Variants in AOAH observed in about 807,000 individuals in gnomAD.
The protein encoded by AOAH is acyloxyacyl hydrolase (neutrophil).
AOAH carries 64 observed loss-of-function variants against 92.2 expected under a neutral mutation model. The observed-to-expected ratio is 0.69, with a 90% CI of 0.57 to 0.86. The LOEUF (loss-of-function observed/expected upper bound fraction) is 0.86, where lower values mean the gene tolerates loss of function less well. Among genes scored for constraint, AOAH ranks in the 40% least tolerant of loss-of-function variants. The pLI is 0.00. For missense variants in AOAH, 656 were observed against 694.6 expected, an observed-to-expected ratio of 0.94 and a Z score of 0.62; for synonymous variants, 263 against 254.5, an observed-to-expected ratio of 1.03 and a Z score of -0.32.
intron 13 of AOAH, among the ~76,000 whole-genome samples, chr7:36,564,748 C>A (rs1562573690): frequency 6.6e-6 from 1 of 152,234 alleles, no homozygotes; most frequent in South Asian, 2.1e-4. Flanking sequence ...CTGTTTCAAG[C>A]AGTGCAGGAT....
At position 36,684,906 on chromosome 7, in the gene AOAH, C is replaced by CAAA. The variant is rs57827044; in HGVS notation, c.223+1790_223+1792dup. Among the ~76,000 whole-genome samples the CAAA allele has an allele frequency of 2.5e-3, 147 of 59,998 alleles. 1 individual carries two copies. The highest frequency in any genetic ancestry group is 0.024 in the Middle Eastern group (1 of 42). The allele number at this position is 59,998 out of a possible 152,430, so 39.4% of individuals were successfully genotyped here. A position where few individuals can be genotyped will look rare whatever the true frequency, so the allele number is the denominator to read the frequency against. On this transcript the variant is annotated intron_variant, in intron 2 of 20. Coordinates refer to ENST00000617537, the MANE Select transcript of AOAH (RefSeq NM_001637.4). ...TGGGCGACAGACTGAGACCTTGTCTCAAAAAAAAAAAAAAAAAAAAAAAAA... is the reference window on the plus strand; with the variant it reads ...TGGGCGACAGACTGAGACCTTGTCTCAAAAAAAAAAAAAAAAAAAAAAAAAAAA...
intron 10 of AOAH, among the ~76,000 whole-genome samples, chr7:36,617,138 T>A (rs1791958277): frequency 6.6e-6 from 1 of 151,566 alleles, no homozygotes; most frequent in African/African-American, 2.4e-5. Context: ...GGCACCTCCT[T>A]TTTCCACTTC....
chr7:36,524,068 A>G (rs568947324), intron 19 of AOAH, among the ~76,000 whole-genome samples: 6 of 152,182 alleles, frequency 3.9e-5, no homozygotes, highest in Admixed American at 1.3e-4. Flanking sequence ...AGATGACATC[A>G]TCTCCATTCT....
rs770180970 is a variant in AOAH, at chr7:36,637,878, T to TC, written c.422dup (p.Gln142ThrfsTer13). The TC allele has an allele frequency of 6.2e-7, 1 of 1,614,124 alleles. No individual in the cohort carries two copies. The highest frequency in any genetic ancestry group is 1.7e-5 in the Admixed American group (1 of 60,034). On this transcript the variant is annotated frameshift_variant, in exon 5 of 21. Transcript: ENST00000617537. LOFTEE classifies it high-confidence loss of function. ...GAATCGGGGACTTCTTGACAATTTG[T>TC]CTTGCCTTCTGTAGTGTAAATTTCC... is the stretch of plus-strand genomic sequence containing the variant.
intron 8 of AOAH, 70 bp from the exon 9 acceptor site, chr7:36,620,899 GAAT>G (rs1792232095): frequency 1.2e-6 from 1 of 804,880 alleles, no homozygotes; most frequent in Non-Finnish European, 1.7e-6. Context: ...TTTCATGCAT[GAAT>G]GAATGAATGA....
At chr7:36,518,924 G>A (rs933944548) in intron 20 of AOAH, among the ~76,000 whole-genome samples, 12 of 152,174 alleles carry the variant, frequency 7.9e-5, no homozygotes, top group African/African-American at 2.7e-4. Context: ...CTGACTCCAG[G>A]ATGCACTTGA....
chr7:36,675,586 C>G (rs1796201781), intron 2 of AOAH, among the ~76,000 whole-genome samples: 2 of 152,172 alleles, frequency 1.3e-5, no homozygotes, highest in Admixed American at 1.3e-4. Flanking sequence ...TAAAGAATTA[C>G]TAACAATTTA....
intron 11 of AOAH, among the ~76,000 whole-genome samples, chr7:36,600,498 T>G (rs890903873): frequency 1.3e-5 from 2 of 152,156 alleles, no homozygotes; most frequent in Non-Finnish European, 2.9e-5. Context: ...TGAACTCAGA[T>G]ATGTCTGGCC....
At position 36,686,161 on chromosome 7, in the gene AOAH, T is replaced by G. The variant is rs188852239; in HGVS notation, c.223+538A>C. ...ATATGCAACTTGCTTGAACCACCAA[T>G]CAGTTTCTACCTTTGGTGGATGTAT... On this transcript the variant is annotated intron_variant, in intron 2 of 20. Coordinates refer to ENST00000617537, the MANE Select transcript of AOAH (RefSeq NM_001637.4). 3.9e-5 allele frequency among the ~76,000 whole-genome samples: 6 copies of G among 152,320 alleles called. No individual in the cohort carries two copies. The East Asian group carries it at 1.2e-3, about 29-fold the overall frequency.
chr7:36,676,981 A>G (rs551628395), intron 2 of AOAH, among the ~76,000 whole-genome samples: 17 of 152,336 alleles, frequency 1.1e-4, no homozygotes, highest in African/African-American at 3.4e-4. Flanking sequence ...AAATTCATAC[A>G]AGGAAACACT....
intron 1 of AOAH, among the ~76,000 whole-genome samples, chr7:36,701,060 G>A (rs1798002089): frequency 6.6e-6 from 1 of 151,874 alleles, no homozygotes; most frequent in Non-Finnish European, 1.5e-5. Flanking sequence ...AATTGTCAGA[G>A]TCTTTTTAAA....
chr7:36,554,734 C>T (rs938759671), intron 13 of AOAH, among the ~76,000 whole-genome samples: 1 of 150,396 alleles, frequency 6.6e-6, no homozygotes, highest in Non-Finnish European at 1.5e-5. Context: ...GTATTTTATT[C>T]TCTTTGAAGC....
At chr7:36,569,574 T>TCTAG (rs879867847) in intron 13 of AOAH, among the ~76,000 whole-genome samples, 42 of 113,600 alleles carry the variant, frequency 3.7e-4, no homozygotes, top group Non-Finnish European at 8.0e-4. Flanking sequence ...TACATATCTA[T>TCTAG]CTATCTATCT....
intron 13 of AOAH, among the ~76,000 whole-genome samples, chr7:36,558,082 A>G (rs867819451): frequency 1.3e-5 from 2 of 151,896 alleles, no homozygotes; most frequent in African/African-American, 4.8e-5. Flanking sequence ...AGTTTCCAGT[A>G]TTTCTGCTCT....
intron 1 of AOAH, among the ~76,000 whole-genome samples, chr7:36,716,970 TAATA>T (rs200867596): frequency 0.41 from 58,374 of 142,442 alleles, 12,156 homozygotes; most frequent in Middle Eastern, 0.53. Flanking sequence ...ACTTAAAGTA[TAATA>T]AATAAATAAA....
At chr7:36,721,344 G>C (rs7349955) in intron 1 of AOAH, among the ~76,000 whole-genome samples, 53,068 of 151,918 alleles carry the variant, frequency 0.35, 10,129 homozygotes, top group East Asian at 0.52. Context: ...GCACAGCCCG[G>C]CTTCTCTCTG....
At position 36,614,401 on chromosome 7, in the gene AOAH, C is replaced by G. The variant is rs1791704621; in HGVS notation, c.846+1979G>C. Among the ~76,000 whole-genome samples the G allele has an allele frequency of 6.6e-6, 1 of 152,176 alleles. No homozygotes were observed. The highest frequency in any genetic ancestry group is 2.1e-4 in the South Asian group (1 of 4,822). ...AAAGGGCCCTGCACTGGGTTTAATG[C>G]TCTGCTGCCCCACCTTGAACTTCTT... On this transcript the variant is annotated intron_variant, in intron 11 of 20. Transcript: ENST00000617537. This position sits in a 1 kb window ranked among gnomAD's most constrained non-coding sequence, Gnocchi z 4.2.
chr7:36,540,787 C>A (rs908742538), intron 15 of AOAH, among the ~76,000 whole-genome samples: 1 of 152,210 alleles, frequency 6.6e-6, no homozygotes, highest in Non-Finnish European at 1.5e-5. Flanking sequence ...TGCTCCTTTT[C>A]TTTGCATGGG....
At chr7:36,627,123 ATACAGTTCC>A (rs1335611751) in intron 6 of AOAH, among the ~76,000 whole-genome samples, 1 of 152,202 alleles carries the variant, frequency 6.6e-6, no homozygotes, top group Non-Finnish European at 1.5e-5. Context: ...TGAGTACAAG[ATACAGTTCC>A]TACAGTTCCT....
Sources: gnomAD v4.1 joint callset for allele counts (sites outside exome capture counted in the v4.1 genomes callset) on GRCh38, gnomAD v4.1.1 for gene constraint, Gnocchi (gnomAD v3.1) non-coding constraint, MANE v1.5 for transcripts, NCBI Gene and HGNC (gene_info 2026-07-23, HGNC 2026-07-21) for gene names.